The following PCDH15 variants were observed in gnomAD, a reference collection of about 807,000 sequenced individuals.
The protein encoded by PCDH15 is protocadherin-15.
In PCDH15, 129 loss-of-function variants were observed where a neutral mutation model predicts 178.5. The ratio of observed to expected loss-of-function variants is 0.72; its 90% confidence interval spans 0.63 to 0.84. PCDH15 has a LOEUF of 0.84. Ranked by LOEUF, PCDH15 falls within the 40% of genes least tolerant of loss-of-function variation. PCDH15 has a pLI of 0.00. For missense variants in PCDH15, 2,230 were observed against 2,099.9 expected, an observed-to-expected ratio of 1.06 and a Z score of -1.21; for synonymous variants, 800 against 732.0, an observed-to-expected ratio of 1.09 and a Z score of -1.50.
chr10:54,372,270 G>A (rs1402680061), intron 4 of PCDH15, among the ~76,000 whole-genome samples: 1 of 151,696 alleles, frequency 6.6e-6, no homozygotes, highest in Non-Finnish European at 1.5e-5. Context: ...GGACCAAAAG[G>A]TCAAAATCTT....
intron 2 of PCDH15, among the ~76,000 whole-genome samples, chr10:54,658,185 GAGAA>G (rs1169596563): frequency 1.3e-5 from 2 of 151,958 alleles, no homozygotes; most frequent in African/African-American, 2.4e-5. Flanking sequence ...TGAGGAAGGA[GAGAA>G]AGAAAGAAAC....
At chr10:53,993,976 G>T (rs549289242) in intron 21 of PCDH15, among the ~76,000 whole-genome samples, 1 of 152,290 alleles carries the variant, frequency 6.6e-6, no homozygotes, top group Admixed American at 6.5e-5. Flanking sequence ...TTACTACTGG[G>T]AGTGCAAAAC....
intron 3 of PCDH15, among the ~76,000 whole-genome samples, chr10:54,875,708 C>T (rs7906038): frequency 0.74 from 112,926 of 152,030 alleles, 42,435 homozygotes; most frequent in East Asian, 0.88. Flanking sequence ...AGAATAAAAG[C>T]CCTAATTCTC....
At chr10:54,622,665 AT>A (rs1401844383) in intron 2 of PCDH15, among the ~76,000 whole-genome samples, 1 of 90,480 alleles carries the variant, frequency 1.1e-5, no homozygotes. Flanking sequence ...TATATAATAT[AT>A]ATTATATATA....
At chr10:55,498,017 G>T (rs541617355) in intron 2 of PCDH15, among the ~76,000 whole-genome samples, 1 of 151,776 alleles carries the variant, frequency 6.6e-6, no homozygotes, top group African/African-American at 2.4e-5. Flanking sequence ...ACTCTTAAGT[G>T]CAGCTTCATT....
chr10:53,827,339 A>G, intron 32 of PCDH15, 54 bp downstream of exon 32: 1 of 1,549,682 alleles, frequency 6.5e-7, no homozygotes, highest in Non-Finnish European at 8.7e-7. Flanking sequence ...TACTCACCAC[A>G]CAGAATTCAG....
chr10:55,133,499 C>T (rs1484343352), intron 2 of PCDH15, among the ~76,000 whole-genome samples: 1 of 152,038 alleles, frequency 6.6e-6, no homozygotes, highest in Non-Finnish European at 1.5e-5. Flanking sequence ...GATTTACAAC[C>T]CATTCATCTC....
At chr10:53,988,519 T>C (rs1269998487) in intron 21 of PCDH15, among the ~76,000 whole-genome samples, 2 of 152,104 alleles carry the variant, frequency 1.3e-5, no homozygotes, top group African/African-American at 2.4e-5. Flanking sequence ...GGTCCAAACA[T>C]AGCCACCATG....
chr10:54,012,861 A>G (rs1200410071), intron 20 of PCDH15, among the ~76,000 whole-genome samples: 1 of 152,184 alleles, frequency 6.6e-6, no homozygotes, highest in African/African-American at 2.4e-5. Flanking sequence ...CTATAAAGCA[A>G]TGACATAAGT....
chr10:54,757,740 CAG>C (rs760710539), intron 1 of PCDH15, among the ~76,000 whole-genome samples: 2 of 151,428 alleles, frequency 1.3e-5, no homozygotes, highest in Admixed American at 6.6e-5. Flanking sequence ...GAGAGAGAGA[CAG>C]AGAGAGAGAG....
chr10:54,204,602 AC>A (rs2050593140), intron 10 of PCDH15, among the ~76,000 whole-genome samples: 1 of 78,176 alleles, frequency 1.3e-5, no homozygotes, highest in East Asian at 2.0e-4. Context: ...TAAAAATGTT[AC>A]TAAAAAAATA....
At chr10:53,979,944 T>G (rs955592113) in intron 21 of PCDH15, among the ~76,000 whole-genome samples, 1 of 152,162 alleles carries the variant, frequency 6.6e-6, no homozygotes, top group South Asian at 2.1e-4. Flanking sequence ...CTAGGCCAGG[T>G]GCGGCGGCTC....
chr10:54,413,416 A>G (rs776908279), intron 3 of PCDH15, among the ~76,000 whole-genome samples: 25 of 152,144 alleles, frequency 1.6e-4, no homozygotes, highest in Non-Finnish European at 4.4e-5. Flanking sequence ...CTCTGACAAC[A>G]ATATTCAGGA....
intron 1 of PCDH15, among the ~76,000 whole-genome samples, chr10:55,245,381 AC>A (rs34323257): frequency 2.6e-5 from 4 of 151,578 alleles, no homozygotes; most frequent in Admixed American, 6.6e-5. Flanking sequence ...AACAGAAAAC[AC>A]CCCCCCAAAA....
At chr10:55,318,876 A>G (rs1212229325) in intron 1 of PCDH15, among the ~76,000 whole-genome samples, 2 of 152,166 alleles carry the variant, frequency 1.3e-5, no homozygotes, top group South Asian at 2.1e-4. Flanking sequence ...CTCAAAGGGA[A>G]GAAAAAGCAT....
intron 1 of PCDH15, among the ~76,000 whole-genome samples, chr10:54,731,564 A>ATATATATATATATATATATG (rs1491229343): frequency 0.025 from 1,058 of 43,162 alleles, 39 homozygotes; most frequent in East Asian, 0.068. Flanking sequence ...ATATATATAT[A>ATATATATATATATATATATG]CACACACACA....
intron 2 of PCDH15, among the ~76,000 whole-genome samples, chr10:55,460,078 AG>A (rs886694888): frequency 1.6e-4 from 25 of 152,152 alleles, no homozygotes; most frequent in African/African-American, 5.3e-4. Flanking sequence ...TGAAGAAAAC[AG>A]GAACTGACAA....
At chr10:54,967,836 T>C (rs548640814) in intron 2 of PCDH15, among the ~76,000 whole-genome samples, 3 of 152,162 alleles carry the variant, frequency 2.0e-5, no homozygotes, top group African/African-American at 7.2e-5. Context: ...TTTCCTCAAC[T>C]TGGGGACAGT....
rs1839771641 is a variant in PCDH15 at position 55,464,043 on chromosome 10, AAGAAAG to A, written c.-156+163576_-156+163581del. 2.4e-5 allele frequency among the ~76,000 whole-genome samples: 3 copies of A among 126,406 alleles called. 1 individual carries two copies. The highest frequency in any genetic ancestry group is 1.7e-4 in the Admixed American group (2 of 11,894). The allele number at this position is 126,406 out of a possible 152,430, so 82.9% of individuals were successfully genotyped here. Reference sequence around the variant, plus strand: ...AAAGAAAGAAAGAAAGAAAGAAAGAAAGAAAGAAAGAAAGAAAGAAAAGGAAAGAAA... The same window carrying A: ...AAAGAAAGAAAGAAAGAAAGAAAGAAAAAGAAAGAAAGAAAAGGAAAGAAA... On this transcript the variant is annotated intron_variant, in intron 2 of 5. Transcript: ENST00000613346.
Sources: gnomAD v4.1 joint callset for allele counts (sites outside exome capture counted in the v4.1 genomes callset) on GRCh38, gnomAD v4.1.1 for gene constraint, MANE v1.5 for transcripts, NCBI Gene and HGNC (gene_info 2026-07-23, HGNC 2026-07-21) for gene names.